Variants in LUC7L3 observed in about 807,000 individuals in gnomAD.
LUC7L3 encodes the protein LUC7 like 3 pre-mRNA splicing factor.
In LUC7L3, 6 loss-of-function variants were observed where a neutral mutation model predicts 66.8. The ratio of observed to expected loss-of-function variants is 0.09; its 90% confidence interval spans 0.05 to 0.18. The LOEUF is 0.18. Ranked by LOEUF, LUC7L3 falls within the 10% of genes least tolerant of loss-of-function variation. The pLI is 1.00. For missense variants in LUC7L3, 341 were observed against 531.1 expected (o/e 0.64, Z 3.52); for synonymous variants, 160 against 174.7 (o/e 0.92, Z 0.66).
At chr17:50,732,560 C>CTTTT (rs11360311) in intron 1 of LUC7L3, among the ~76,000 whole-genome samples, 3 of 133,264 alleles carry the variant, frequency 2.3e-5, no homozygotes, top group African/African-American at 5.6e-5. Flanking sequence ...TTTTTTCATT[C>CTTTT]TTTTTTTTTT....
At chr17:50,749,378 C>T in intron 9 of LUC7L3, 1 of 1,267,552 alleles carries the variant, frequency 7.9e-7, no homozygotes, top group South Asian at 1.3e-5. Flanking sequence ...GCACAGTTCT[C>T]ACAAGTGGAC....
chr17:50,744,799 G>A lies in LUC7L3; in HGVS notation c.679G>A (p.Val227Ile), dbSNP rs758957107. ...HMGYAKIKATVEELKEKLRKR... is the reference protein window; with the variant it reads ...HMGYAKIKATIEELKEKLRKR... ...GGGCTATGCCAAAATTAAAGCTACT[G>A]TAGAAGAATTAAAAGTAAGTTTTTT... is the stretch of plus-strand genomic sequence containing the variant. Residue 227 changes from valine to isoleucine, a missense_variant, in exon 7 of 10, where the codon GTA (valine) becomes ATA (isoleucine). Around this residue, in one of 6 missense-constraint regions of LUC7L3, gnomAD observed 17 missense variants for 48.2 expected, o/e 0.35. Coordinates refer to ENST00000505658, the MANE Select transcript of LUC7L3 (RefSeq NM_016424.5). 5 of 1,610,092 alleles carry A rather than the reference G, an allele frequency of 3.1e-6. No homozygotes were observed. The highest frequency in any genetic ancestry group is 3.4e-5 in the Admixed American group (2 of 58,790).
Position 50,750,688 on chromosome 17 carries a change from G to C in LUC7L3, c.*27G>C. The stretch of plus-strand genomic sequence containing the variant: ...ACTGATCTGATAAGACCTCAGATCA[G>C]ACAGAGGTAAGTGTATTGTTTCTCA... On this transcript the variant is annotated 3_prime_UTR_variant, in exon 10 of 10. Transcript: ENST00000505658. 1 of 1,613,990 alleles carries C rather than the reference G, an allele frequency of 6.2e-7. No individual in the cohort carries two copies. Among genetic ancestry groups the C allele is most frequent in the Non-Finnish European group, 8.5e-7 (1 of 1,179,922 alleles).
chr17:50,745,389 T>C (rs569885517), intron 7 of LUC7L3, among the ~76,000 whole-genome samples: 7 of 152,348 alleles, frequency 4.6e-5, no homozygotes, highest in African/African-American at 1.7e-4. Context: ...TATTCTAATA[T>C]GGCTTAAATG....
chr17:50,742,816 G>C (rs578190258), intron 5 of LUC7L3, among the ~76,000 whole-genome samples: 33 of 152,204 alleles, frequency 2.2e-4, no homozygotes, highest in Admixed American at 1.8e-3. Flanking sequence ...ACCCAGACTG[G>C]AATCAATTAA....
At chr17:50,737,454 A>G in intron 2 of LUC7L3, 1 of 376,846 alleles carries the variant, frequency 2.7e-6, no homozygotes, top group South Asian at 2.0e-5. Flanking sequence ...AGAACCCTGG[A>G]CAGGCTCAGG....
chr17:50,726,030 CTA>C (rs2146694827), intron 1 of LUC7L3, among the ~76,000 whole-genome samples: 1 of 152,304 alleles, frequency 6.6e-6, no homozygotes, highest in South Asian at 2.1e-4. Context: ...TTAAAATGCC[CTA>C]TGACCTGTGA....
At position 50,751,579 on chromosome 17, in the gene LUC7L3, T is replaced by C; in HGVS notation, c.*918T>C. ...CTGCAGTGGTGGCCAGAATTAGATA[T>C]CTTTAAAGAATTTTAAATACAATAA... On this transcript the variant is annotated 3_prime_UTR_variant, in exon 10 of 10. Coordinates refer to ENST00000505658, the MANE Select transcript of LUC7L3 (RefSeq NM_016424.5). 5.2e-6 allele frequency: 6 copies of C among 1,152,418 alleles called. No individual in the cohort carries two copies. The highest frequency in any genetic ancestry group is 6.5e-6 in the Non-Finnish European group (6 of 922,948). The allele number at this position is 1,152,418 out of a possible 1,614,324, so 71.4% of individuals were successfully genotyped here.
intron 2 of LUC7L3, 67 bp from the exon 3 acceptor site, chr17:50,740,239 T>TC (rs971123356): frequency 5.8e-5 from 72 of 1,235,244 alleles, no homozygotes; most frequent in Non-Finnish European, 8.0e-5. Flanking sequence ...AAATAACTCT[T>TC]TTTTTTTGGC....
intron 1 of LUC7L3, among the ~76,000 whole-genome samples, chr17:50,720,277 C>T (rs894906208): frequency 6.6e-6 from 1 of 152,178 alleles, no homozygotes; most frequent in Non-Finnish European, 1.5e-5. Flanking sequence ...TACAGCATGA[C>T]GCTTATACGG....
intron 3 of LUC7L3, 27 bp downstream of exon 3, chr17:50,740,372 C>G: frequency 6.3e-7 from 1 of 1,586,954 alleles, no homozygotes; most frequent in Non-Finnish European, 8.6e-7. Flanking sequence ...GTCATTTCCA[C>G]CCCCCCAGTT....
intron 2 of LUC7L3, chr17:50,738,231 A>G: frequency 2.3e-6 from 1 of 426,270 alleles, no homozygotes; most frequent in Non-Finnish European, 4.6e-6. Flanking sequence ...CTTAAAAGAA[A>G]GTCTTACTGC....
chr17:50,735,977 A>T (rs1969961049), intron 1 of LUC7L3, among the ~76,000 whole-genome samples: 1 of 152,210 alleles, frequency 6.6e-6, no homozygotes, highest in Admixed American at 6.5e-5. Context: ...TACTAAAAAT[A>T]CAAAAACTAG....
chr17:50,749,663 A>G (rs1399962867), intron 9 of LUC7L3, among the ~76,000 whole-genome samples: 1 of 152,180 alleles, frequency 6.6e-6, no homozygotes, highest in African/African-American at 2.4e-5. Context: ...TATTCTTAGT[A>G]AGGGGAAAAG....
At chr17:50,740,237 C>CTTTTTT in intron 2 of LUC7L3, 69 bp from the exon 3 acceptor site, 1 of 1,135,096 alleles carries the variant, frequency 8.8e-7, no homozygotes, top group Non-Finnish European at 1.3e-6. Flanking sequence ...AAAAATAACT[C>CTTTTTT]TTTTTTTTTG....
At chr17:50,740,448 A>T in intron 3 of LUC7L3, 103 bp downstream of exon 3, 1 of 1,080,100 alleles carries the variant, frequency 9.3e-7, no homozygotes, top group Non-Finnish European at 1.4e-6. Flanking sequence ...TGAGTGTCTG[A>T]GAGAAGTCCA....
chr17:50,739,230 A>G (rs1446043361), intron 2 of LUC7L3, among the ~76,000 whole-genome samples: 1 of 152,232 alleles, frequency 6.6e-6, no homozygotes, highest in Admixed American at 6.5e-5. Context: ...GAAAATAAGT[A>G]TCCCAGATTG....
In LUC7L3 at chr17:50,753,579, A is replaced by C. The variant is rs1458014795; in HGVS notation, c.*2918A>C. On this transcript the variant is annotated 3_prime_UTR_variant, in exon 10 of 10. Transcript: ENST00000505658. ...AGATGCAGCAATAGATGAATGGGTT[A>C]TCTCTGAATTTGTAAGAGATAATTC... The C allele has an allele frequency of 4.6e-5, 7 of 152,206 alleles. No homozygotes were observed. Among genetic ancestry groups the C allele is most frequent in the Non-Finnish European group, 1.0e-4 (7 of 68,032 alleles). 9.4% of individuals were successfully genotyped at this position (152,206 alleles called of 1,614,324 possible).
Position 50,740,308 on chromosome 17 carries a change from C to T in LUC7L3, c.169C>T (p.Pro57Ser). The T allele has an allele frequency of 6.2e-7, 1 of 1,603,984 alleles. No individual in the cohort carries two copies. Among genetic ancestry groups the T allele is most frequent in the Non-Finnish European group, 8.5e-7 (1 of 1,175,296 alleles). The change falls in exon 3 of 10, where the codon CCG becomes TCG. Residue 57 changes from proline (P) to serine (S), a missense_variant and splice_region_variant. Around this residue, in one of 6 missense-constraint regions of LUC7L3, gnomAD observed 86 missense variants for 172.0 expected, o/e 0.50. Coordinates refer to ENST00000505658, the MANE Select transcript of LUC7L3 (RefSeq NM_016424.5). ...LFTNTRSDLG[P>S]CEKIHDENLR... ...TACAATTATATTTTTTCCCCCAGGTCCGTGTGAAAAAATTCATGATGAAAA... is the reference window on the plus strand; with the variant it reads ...TACAATTATATTTTTTCCCCCAGGTTCGTGTGAAAAAATTCATGATGAAAA...
Sources: gnomAD v4.1 joint callset for allele counts (sites outside exome capture counted in the v4.1 genomes callset) on GRCh38, gnomAD v4.1.1 for gene constraint, gnomAD v4.1.1 regional missense constraint, MANE v1.5 for transcripts, NCBI Gene and HGNC (gene_info 2026-07-23, HGNC 2026-07-21) for gene names.